Variants in CSMD1 observed in about 807,000 individuals in gnomAD.
CSMD1 encodes the protein CUB and sushi domain-containing protein 1.
A neutral mutation model predicts 417.5 loss-of-function variants in CSMD1; 213 were observed. That is an observed-to-expected ratio of 0.51 (90% CI 0.46 to 0.57). CSMD1 has a LOEUF of 0.57. Ranked by LOEUF, CSMD1 falls within the 20% of genes least tolerant of loss-of-function variation. CSMD1 has a pLI of 0.00. For missense variants in CSMD1, 6,923 were observed against 4,529.7 expected (o/e 1.53, Z -15.17); for synonymous variants, 2,862 against 1,736.8 (o/e 1.65, Z -16.11).
chr8:4,302,780 G>C (rs1319040803), intron 3 of CSMD1, among the ~76,000 whole-genome samples: 3 of 152,192 alleles, frequency 2.0e-5, no homozygotes, highest in East Asian at 3.9e-4. Flanking sequence ...GGTAGAGTTG[G>C]CACCGTCAGC....
intron 3 of CSMD1, among the ~76,000 whole-genome samples, chr8:4,116,626 G>T (rs1208194209): frequency 2.1e-5 from 3 of 145,190 alleles, no homozygotes; most frequent in African/African-American, 7.7e-5. Flanking sequence ...GAACAAACGC[G>T]CCATGAATGA....
intron 3 of CSMD1, among the ~76,000 whole-genome samples, chr8:4,249,600 G>C (rs139157609): frequency 3.5e-4 from 54 of 152,240 alleles, no homozygotes; most frequent in African/African-American, 1.3e-3. Context: ...TTGAGAGAAT[G>C]GTGTTAAGAA....
At chr8:3,875,348 C>G (rs1026320671) in intron 5 of CSMD1, among the ~76,000 whole-genome samples, 2 of 152,168 alleles carry the variant, frequency 1.3e-5, no homozygotes, top group Non-Finnish European at 2.9e-5. Context: ...GAATTAGATA[C>G]TAAGAAGGAC....
intron 2 of CSMD1, among the ~76,000 whole-genome samples, chr8:4,428,467 A>G (rs916138560): frequency 3.9e-5 from 6 of 152,160 alleles, no homozygotes; most frequent in African/African-American, 1.2e-4. Context: ...TAATTTCTGG[A>G]GTAAAAAGGC....
Position 2,938,565 on chromosome 8 carries a change from T to C in CSMD1, c.*20A>G. 1.9e-6 allele frequency: 3 copies of C among 1,605,024 alleles called. No homozygotes were observed. The highest frequency in any genetic ancestry group is 1.7e-6 in the Non-Finnish European group (2 of 1,175,252). On this transcript the variant is annotated 3_prime_UTR_variant, in exon 70 of 70. Coordinates refer to ENST00000635120, the MANE Select transcript of CSMD1 (RefSeq NM_033225.6). Reference sequence around the variant, plus strand: ...CATCAGAGGTATGGCTATGAATCAGTCCTGTTGGGGCACTGAGGGCTATAC... The same window carrying C: ...CATCAGAGGTATGGCTATGAATCAGCCCTGTTGGGGCACTGAGGGCTATAC...
chr8:4,092,975 C>A (rs1397483369), intron 3 of CSMD1, among the ~76,000 whole-genome samples: 1 of 152,040 alleles, frequency 6.6e-6, no homozygotes, highest in Non-Finnish European at 1.5e-5. Context: ...TGGGGAGTAT[C>A]TTATACATAG....
At chr8:4,284,104 A>T (rs1796932375) in intron 3 of CSMD1, among the ~76,000 whole-genome samples, 2 of 152,134 alleles carry the variant, frequency 1.3e-5, no homozygotes, top group African/African-American at 2.4e-5. Context: ...ATGGTGGCTC[A>T]CACCTGTAAT....
chr8:4,119,431 T>C (rs78301297), intron 3 of CSMD1, among the ~76,000 whole-genome samples: 1,654 of 152,308 alleles, frequency 0.011, 24 homozygotes, highest in African/African-American at 0.036. Context: ...CAGGATGATA[T>C]TGATGTGTCA....
rs182262686 is a variant in CSMD1 at position 4,534,945 on chromosome 8, T to C, written c.302+102397A>G. On this transcript the variant is annotated intron_variant, in intron 2 of 69. Transcript: ENST00000635120. ...GCCCGGCTTATTTCTGTATTTTTAATAGAGACGGGGTTTCCCCATGTTAGC... is the reference window on the plus strand; with the variant it reads ...GCCCGGCTTATTTCTGTATTTTTAACAGAGACGGGGTTTCCCCATGTTAGC... 1.2e-3 allele frequency among the ~76,000 whole-genome samples: 186 copies of C among 151,992 alleles called. 3 individuals carry two copies. The highest frequency in any genetic ancestry group is 2.9e-4 in the Non-Finnish European group (20 of 67,962).
At chr8:4,225,108 C>A (rs972720322) in intron 3 of CSMD1, among the ~76,000 whole-genome samples, 47 of 152,034 alleles carry the variant, frequency 3.1e-4, no homozygotes, top group Non-Finnish European at 5.6e-4. Context: ...TGAGACTCCA[C>A]CTCAAAAAAA....
chr8:4,831,938 G>C (rs922981270), intron 1 of CSMD1, among the ~76,000 whole-genome samples: 1 of 152,114 alleles, frequency 6.6e-6, no homozygotes, highest in Non-Finnish European at 1.5e-5. Flanking sequence ...GGACCTTCGA[G>C]ATTTAAAATT....
rs1563065764 is a variant in CSMD1 at position 3,466,024 on chromosome 8, A to C, written c.1561+2688T>G. 2.0e-5 allele frequency among the ~76,000 whole-genome samples: 3 copies of C among 152,210 alleles called. No homozygotes were observed. In the South Asian group the frequency reaches 6.2e-4, roughly 32 times the overall value. On this transcript the variant is annotated intron_variant, in intron 12 of 69. Transcript: ENST00000635120. ...GTTGGGTTTACATGTCTTACTGTGC[A>C]CACTATTATTTATATAATGAAAACA...
chr8:3,609,937 G>T (rs1218793062), intron 8 of CSMD1, among the ~76,000 whole-genome samples: 2 of 149,362 alleles, frequency 1.3e-5, no homozygotes, highest in Non-Finnish European at 3.0e-5. Context: ...AAGTAGCTGG[G>T]ACTACGGGCG....
At chr8:4,127,677 G>C (rs538732560) in intron 3 of CSMD1, among the ~76,000 whole-genome samples, 9 of 152,146 alleles carry the variant, frequency 5.9e-5, no homozygotes, top group African/African-American at 2.2e-4. Context: ...TTATAAGGAA[G>C]ATATTAAATA....
intron 3 of CSMD1, among the ~76,000 whole-genome samples, chr8:4,095,461 T>C (rs1800958264): frequency 6.6e-6 from 1 of 152,202 alleles, no homozygotes; most frequent in Non-Finnish European, 1.5e-5. Flanking sequence ...TTTGAGCATT[T>C]TGTATTTTTG....
chr8:3,745,661 G>C (rs1192933385), intron 6 of CSMD1, among the ~76,000 whole-genome samples: 1 of 152,212 alleles, frequency 6.6e-6, no homozygotes, highest in East Asian at 1.9e-4. Context: ...CAAGGGGCAT[G>C]AATCCCCGGG....
At chr8:3,466,622 T>A (rs1044484905) in intron 12 of CSMD1, among the ~76,000 whole-genome samples, 8 of 138,782 alleles carry the variant, frequency 5.8e-5, no homozygotes, top group Non-Finnish European at 1.2e-4. Flanking sequence ...GAGATAGGGG[T>A]TTCACCATGT....
intron 1 of CSMD1, among the ~76,000 whole-genome samples, chr8:4,686,447 G>A (rs1365256776): frequency 6.6e-6 from 1 of 152,202 alleles, no homozygotes; most frequent in Non-Finnish European, 1.5e-5. Context: ...CCATAAGTAG[G>A]CCTTGTGCGA....
At chr8:2,980,132 T>C (rs1805278877) in intron 54 of CSMD1, among the ~76,000 whole-genome samples, 1 of 152,226 alleles carries the variant, frequency 6.6e-6, no homozygotes, top group African/African-American at 2.4e-5. Context: ...GTGTTTATGT[T>C]TGTGCTTATG....
Sources: gnomAD v4.1 joint callset for allele counts (sites outside exome capture counted in the v4.1 genomes callset) on GRCh38, gnomAD v4.1.1 for gene constraint, MANE v1.5 for transcripts, NCBI Gene and HGNC (gene_info 2026-07-23, HGNC 2026-07-21) for gene names.